The following RBM18 variants were observed in gnomAD, a reference collection of about 807,000 sequenced individuals.
The protein encoded by RBM18 is probable RNA-binding protein 18.
RBM18 carries 18 observed loss-of-function variants against 26.4 expected under a neutral mutation model. That is an observed-to-expected ratio of 0.68 (90% CI 0.47 to 1.01). RBM18 has a LOEUF of 1.01. RBM18 is among the 50% of genes least tolerant of loss of function. RBM18 has a pLI of 0.00. For synonymous variants in RBM18, 74 were observed against 81.1 expected (o/e 0.91, Z 0.47); for missense variants, 180 against 219.2 (o/e 0.82, Z 1.13).
chr9:122,240,115 TA>T lies in RBM18; in HGVS notation c.*1768del. ...CTGGTTTCTAAAGGAAACAACTCTATATATAATTCTAAGTTTTTTCTAAGTT... is the reference window on the plus strand; with the variant it reads ...CTGGTTTCTAAAGGAAACAACTCTATTATAATTCTAAGTTTTTTCTAAGTT... On this transcript the variant is annotated 3_prime_UTR_variant, in exon 6 of 6. Coordinates refer to ENST00000417201, the MANE Select transcript of RBM18 (RefSeq NM_033117.4). 1 of 152,236 alleles carries T rather than the reference TA, an allele frequency of 6.6e-6. No individual in the cohort carries two copies. Among genetic ancestry groups the T allele is most frequent in the South Asian group, 2.1e-4 (1 of 4,832 alleles). 9.4% of individuals were successfully genotyped at this position (152,236 alleles called of 1,614,324 possible). A position where few individuals can be genotyped will look rare whatever the true frequency, so the allele number is the denominator to read the frequency against.
At chr9:122,253,059 C>G (rs997167012) in intron 2 of RBM18, among the ~76,000 whole-genome samples, 1 of 152,196 alleles carries the variant, frequency 6.6e-6, no homozygotes, top group Non-Finnish European at 1.5e-5. Flanking sequence ...CTAAACAATG[C>G]TGTCCCTGTG....
chr9:122,258,913 A>G (rs972836680), intron 2 of RBM18, among the ~76,000 whole-genome samples: 1 of 150,922 alleles, frequency 6.6e-6, no homozygotes, highest in African/African-American at 2.4e-5. Context: ...GCTGTCAAAA[A>G]AAAAAAAAAA....
In RBM18 at chr9:122,244,573, A is replaced by G. The variant is rs558192414; in HGVS notation, c.413+683T>C. Among the ~76,000 whole-genome samples the G allele has an allele frequency of 5.3e-4, 80 of 152,228 alleles. 2 individuals carry two copies. Among genetic ancestry groups the G allele is most frequent in the Non-Finnish European group, 4.0e-4 (27 of 68,046 alleles). On this transcript the variant is annotated intron_variant, in intron 5 of 5. Transcript: ENST00000417201. ...CAGCCATAAGTAAATGACACACTGCAAATAAAGTGTTTAGCACAGTGCCTG... is the reference window on the plus strand; with the variant it reads ...CAGCCATAAGTAAATGACACACTGCGAATAAAGTGTTTAGCACAGTGCCTG...
At chr9:122,255,866 G>A (rs1831686599) in intron 2 of RBM18, among the ~76,000 whole-genome samples, 1 of 152,086 alleles carries the variant, frequency 6.6e-6, no homozygotes, top group Non-Finnish European at 1.5e-5. Flanking sequence ...GAGTGTGGTG[G>A]CACATGCCTG....
intron 1 of RBM18, 48 bp downstream of exon 1, chr9:122,264,667 T>C (rs1831928577): frequency 6.6e-6 from 1 of 152,092 alleles, no homozygotes; most frequent in African/African-American, 2.4e-5. Flanking sequence ...TAAGACCTCT[T>C]AGCGGGCCCA....
intron 4 of RBM18, among the ~76,000 whole-genome samples, chr9:122,246,378 A>G (rs1216639848): frequency 9.2e-5 from 14 of 152,206 alleles, no homozygotes; most frequent in Admixed American, 9.2e-4. Context: ...TGGTCAAAAA[A>G]GATTTATAGG....
rs970370431 is a variant in RBM18, at chr9:122,241,668, T to C, written c.*216A>G. The C allele has an allele frequency of 1.6e-5, 7 of 427,490 alleles. No individual in the cohort carries two copies. Among genetic ancestry groups the C allele is most frequent in the East Asian group, 3.7e-5 (1 of 27,310 alleles). The allele number at this position is 427,490 out of a possible 1,614,324, so 26.5% of individuals were successfully genotyped here. On this transcript the variant is annotated 3_prime_UTR_variant, in exon 6 of 6. Coordinates refer to ENST00000417201, the MANE Select transcript of RBM18 (RefSeq NM_033117.4). Reference sequence around the variant, plus strand: ...AGCATCCCAGGGTTCAAATCACAATTTGGGATACAACGCTATTTATTCTGG... The same window carrying C: ...AGCATCCCAGGGTTCAAATCACAATCTGGGATACAACGCTATTTATTCTGG...
chr9:122,253,888 C>T (rs79155069), intron 2 of RBM18, among the ~76,000 whole-genome samples: 16,746 of 151,688 alleles, frequency 0.11, 1,141 homozygotes, highest in South Asian at 0.17. Context: ...ATTAGCCAAG[C>T]ATGGTGGCGC....
chr9:122,241,680 G>A lies in RBM18; in HGVS notation c.*204C>T, dbSNP rs1383996208. 7 of 463,314 alleles carry A rather than the reference G, an allele frequency of 1.5e-5. No homozygotes were observed. The highest frequency in any genetic ancestry group is 1.4e-4 in the East Asian group (4 of 29,352). 28.7% of individuals were successfully genotyped at this position (463,314 alleles called of 1,614,324 possible). On this transcript the variant is annotated 3_prime_UTR_variant, in exon 6 of 6. Coordinates refer to ENST00000417201, the MANE Select transcript of RBM18 (RefSeq NM_033117.4). ...TTCAAATCACAATTTGGGATACAAC[G>A]CTATTTATTCTGGATGATGCTCAAT...
Position 122,239,664 on chromosome 9 carries a change from A to T in RBM18, c.*2220T>A, listed in dbSNP as rs965454724. The T allele has an allele frequency of 2.6e-5, 4 of 151,988 alleles. No homozygotes were observed. The highest frequency in any genetic ancestry group is 5.9e-5 in the Non-Finnish European group (4 of 68,042). The allele number at this position is 151,988 out of a possible 1,614,324, so 9.4% of individuals were successfully genotyped here. On this transcript the variant is annotated 3_prime_UTR_variant, in exon 6 of 6. Transcript: ENST00000417201. ...AACCTTTCATCAGACTGCTTTCAGCATATTTAGGATACATACATTTCTTCT... is the reference window on the plus strand; with the variant it reads ...AACCTTTCATCAGACTGCTTTCAGCTTATTTAGGATACATACATTTCTTCT...
rs772357798 is a variant in RBM18, at chr9:122,247,623, A to G, written c.241-19T>C. ...CTGCTTCCTGTCCAGGAAAGGGACA[A>G]ATGTTAGTTAAAAACTGAAATGCTT... is the stretch of plus-strand genomic sequence containing the variant. On this transcript the variant is annotated intron_variant, in intron 3 of 5. Transcript: ENST00000417201. The G allele has an allele frequency of 3.1e-6, 5 of 1,603,110 alleles. No individual in the cohort carries two copies. In the East Asian group the frequency reaches 1.1e-4, roughly 36 times the overall value.
intron 2 of RBM18, among the ~76,000 whole-genome samples, chr9:122,258,240 C>G (rs1831729515): frequency 6.6e-6 from 1 of 151,956 alleles, no homozygotes; most frequent in South Asian, 2.1e-4. Flanking sequence ...TCATGTTAAC[C>G]ATAAGCTATG....
At chr9:122,264,567 AGGGTCATTACTC>A (rs1199366284) in intron 1 of RBM18, 136 bp downstream of exon 1, 1 of 152,334 alleles carries the variant, frequency 6.6e-6, no homozygotes, top group African/African-American at 2.4e-5. Flanking sequence ...CTACAGGCGA[AGGGTCATTACTC>A]GGATTGTTAT....
rs746663334 is a variant in RBM18 at position 122,241,947 on chromosome 9, A to G, written c.510T>C (p.Phe170=). ...TAGTCCTTTTTTTATCTGGTGGCTT[A>G]AAGTAGGAATAAACAGGCGCTGCTG... The part of the protein sequence containing the change: ...EYPAAPVYSY[F]KPPDKKRTTP... The change falls in exon 6 of 6, where the codon TTT becomes TTC. Residue 170 remains phenylalanine (F), a synonymous_variant. Transcript: ENST00000417201. The G allele has an allele frequency of 1.9e-6, 3 of 1,614,106 alleles. No homozygotes were observed. The highest frequency in any genetic ancestry group is 2.2e-5 in the South Asian group (2 of 91,086).
intron 3 of RBM18, among the ~76,000 whole-genome samples, chr9:122,250,630 AC>A (rs773550462): frequency 7.2e-5 from 11 of 152,212 alleles, no homozygotes; most frequent in Non-Finnish European, 1.3e-4. Flanking sequence ...ACAGAATGTC[AC>A]CCTGATGTGA....
chr9:122,251,280 T>C (rs1831601862), intron 3 of RBM18, among the ~76,000 whole-genome samples: 1 of 152,228 alleles, frequency 6.6e-6, no homozygotes, highest in African/African-American at 2.4e-5. Flanking sequence ...TCTCTACATT[T>C]AGTAACAATC....
intron 2 of RBM18, among the ~76,000 whole-genome samples, chr9:122,259,299 C>T (rs1831749959): frequency 6.6e-6 from 1 of 152,160 alleles, no homozygotes; most frequent in Non-Finnish European, 1.5e-5. Flanking sequence ...TTTAGATTTC[C>T]ATTTAGACAG....
At chr9:122,261,252 C>T (rs1831788744) in intron 2 of RBM18, 128 bp downstream of exon 2, 2 of 660,018 alleles carry the variant, frequency 3.0e-6, no homozygotes, top group Admixed American at 5.4e-5. Flanking sequence ...AACATCTTAT[C>T]TCTCCGAAGA....
chr9:122,261,269 G>GT, intron 2 of RBM18, 111 bp downstream of exon 2: 2 of 722,020 alleles, frequency 2.8e-6, no homozygotes, highest in South Asian at 3.3e-5. Context: ...AAGACACGAT[G>GT]TAAGTAAAAG....
Sources: gnomAD v4.1 joint callset for allele counts (sites outside exome capture counted in the v4.1 genomes callset) on GRCh38, gnomAD v4.1.1 for gene constraint, MANE v1.5 for transcripts, NCBI Gene and HGNC (gene_info 2026-07-23, HGNC 2026-07-21) for gene names.